Variants in MORC4 observed in about 807,000 individuals in gnomAD.
MORC4 encodes the protein MORC family CW-type zinc finger 4.
Under a neutral mutation model 65.5 loss-of-function variants are expected in MORC4, and 22 were observed. The ratio of observed to expected loss-of-function variants is 0.34; its 90% CI spans 0.24 to 0.48. The LOEUF is 0.48. MORC4 is among the 20% of genes least tolerant of loss of function. MORC4 has a pLI of 0.99. For missense variants in MORC4, 624 were observed against 703.0 expected, an observed-to-expected ratio of 0.89 and a Z score of 1.27; for synonymous variants, 267 against 255.8, an observed-to-expected ratio of 1.04 and a Z score of -0.42.
chrX:106,952,168 G>A (rs1221658835), intron 14 of MORC4, among the ~76,000 whole-genome samples: 1 of 110,836 alleles, frequency 9.0e-6, no homozygotes, highest in Non-Finnish European at 1.9e-5. Flanking sequence ...AAATACAGTC[G>A]TGCATTACTT....
At chrX:106,963,125 T>G (rs1453873082) in intron 9 of MORC4, among the ~76,000 whole-genome samples, 1 of 112,011 alleles carries the variant, frequency 8.9e-6, no homozygotes, top group African/African-American at 3.2e-5. Context: ...GTCTATATCC[T>G]TCCCTCAAGT....
In MORC4 at chrX:106,978,214, G is replaced by A. The variant is rs139566319; in HGVS notation, c.937-15C>T. On this transcript the variant is annotated splice_polypyrimidine_tract_variant and intron_variant, in intron 7 of 16. Coordinates refer to ENST00000355610, the MANE Select transcript of MORC4 (RefSeq NM_024657.5). ...ACCTGCTTATTCTGAGAAGAACATCGTTAAGGAGACAAACATACCAGGGGC... is the reference window on the plus strand; with the variant it reads ...ACCTGCTTATTCTGAGAAGAACATCATTAAGGAGACAAACATACCAGGGGC... The A allele has an allele frequency of 2.0e-3, 2,384 of 1,191,571 alleles. 33 individuals are homozygous for A. In the African/African-American group the frequency reaches 0.036, roughly 18 times the overall value.
At chrX:106,944,810 G>C (rs1933783964) in intron 14 of MORC4, among the ~76,000 whole-genome samples, 1 of 111,267 alleles carries the variant, frequency 9.0e-6, no homozygotes, top group African/African-American at 3.3e-5. Flanking sequence ...TATACGGTAG[G>C]TTTATACATT....
chrX:106,967,992 G>C (rs1357573513), intron 9 of MORC4, among the ~76,000 whole-genome samples: 1 of 111,254 alleles, frequency 9.0e-6, no homozygotes, highest in Non-Finnish European at 1.9e-5. Flanking sequence ...CTCGAGAAGA[G>C]CAACCCCAAG....
At chrX:106,993,713 T>C (rs769286682) in intron 2 of MORC4, among the ~76,000 whole-genome samples, 2 of 112,690 alleles carry the variant, frequency 1.8e-5, no homozygotes, top group Non-Finnish European at 3.8e-5. Context: ...TTAGCCCCTT[T>C]ACTGTTTGTA....
intron 9 of MORC4, among the ~76,000 whole-genome samples, chrX:106,974,313 T>C (rs1440686440): frequency 9.0e-6 from 1 of 111,694 alleles, no homozygotes; most frequent in Non-Finnish European, 1.9e-5. Flanking sequence ...CAACTGCTGC[T>C]CTGGGGTATG....
intron 9 of MORC4, among the ~76,000 whole-genome samples, chrX:106,975,278 G>A (rs187001992): frequency 2.5e-4 from 28 of 111,297 alleles, no homozygotes; most frequent in Admixed American, 4.8e-4. Context: ...AACTTGACTC[G>A]GAGACTTCTG....
intron 14 of MORC4, among the ~76,000 whole-genome samples, chrX:106,949,313 T>C (rs1446373573): frequency 8.9e-6 from 1 of 112,091 alleles, no homozygotes; most frequent in Non-Finnish European, 1.9e-5. Context: ...TCTCCTTTAG[T>C]TCTTTGAATG....
At chrX:106,957,289 C>A (rs1934133029) in intron 11 of MORC4, among the ~76,000 whole-genome samples, 1 of 111,282 alleles carries the variant, frequency 9.0e-6, no homozygotes. Context: ...TATAAAGGGG[C>A]AAAGTGGGCT....
At chrX:106,954,007 T>C (rs1395990184) in intron 14 of MORC4, among the ~76,000 whole-genome samples, 1 of 112,380 alleles carries the variant, frequency 8.9e-6, no homozygotes, top group Non-Finnish European at 1.9e-5. Flanking sequence ...CCTGTAATCC[T>C]AGCTACTCCA....
chrX:106,960,431 A>C (rs780135169), intron 10 of MORC4, among the ~76,000 whole-genome samples: 2 of 111,699 alleles, frequency 1.8e-5, no homozygotes, highest in Non-Finnish European at 3.8e-5. Flanking sequence ...AGCAGTTAAG[A>C]ACTTAGGTTT....
At chrX:106,968,910 A>G (rs1441751042) in intron 9 of MORC4, among the ~76,000 whole-genome samples, 1 of 111,096 alleles carries the variant, frequency 9.0e-6, no homozygotes, top group African/African-American at 3.3e-5. Context: ...TCCATTGTCA[A>G]CGTTAGACAG....
intron 9 of MORC4, among the ~76,000 whole-genome samples, chrX:106,970,670 C>T (rs915872880): frequency 4.5e-5 from 5 of 111,706 alleles, no homozygotes; most frequent in South Asian, 3.8e-4. Flanking sequence ...TTCCTATACA[C>T]CAATAATAGA....
intron 10 of MORC4, among the ~76,000 whole-genome samples, chrX:106,959,328 A>C (rs916009671): frequency 1.8e-5 from 2 of 111,329 alleles, no homozygotes; most frequent in African/African-American, 6.5e-5. Flanking sequence ...AGTGAGAATG[A>C]AGGCGGCTGG....
intron 16 of MORC4, 143 bp downstream of exon 16, chrX:106,941,795 G>T: frequency 2.5e-6 from 2 of 814,099 alleles, no homozygotes; most frequent in Non-Finnish European, 3.5e-6. Flanking sequence ...GAGACTGGCT[G>T]CAGCTTTCTA....
chrX:106,985,494 T>C (rs1269555518), intron 4 of MORC4, among the ~76,000 whole-genome samples: 1 of 112,248 alleles, frequency 8.9e-6, no homozygotes, highest in African/African-American at 3.2e-5. Context: ...AAAGGCTTAA[T>C]TTTTTAACTT....
intron 2 of MORC4, among the ~76,000 whole-genome samples, chrX:106,999,450 CTT>C (rs1195927376): frequency 2.7e-5 from 3 of 112,045 alleles, no homozygotes; most frequent in African/African-American, 9.7e-5. Context: ...ACACTGGTGT[CTT>C]TAACGCTTCA....
chrX:106,962,418 A>G (rs1934270866), intron 9 of MORC4, among the ~76,000 whole-genome samples: 1 of 112,157 alleles, frequency 8.9e-6, no homozygotes, highest in Admixed American at 9.4e-5. Context: ...TTGACATTAG[A>G]GACTATGACA....
At chrX:106,980,839 A>G (rs1479300286) in intron 7 of MORC4, 52 bp downstream of exon 7, 2 of 1,135,460 alleles carry the variant, frequency 1.8e-6, no homozygotes, top group African/African-American at 3.7e-5. Context: ...CTGAAAACTT[A>G]ATCCTGAAAT....
Sources: allele counts gnomAD v4.1 joint callset (sites outside exome capture counted in the v4.1 genomes callset), GRCh38; gene constraint gnomAD v4.1.1; transcripts MANE v1.5; gene names NCBI Gene and HGNC (gene_info 2026-07-23, HGNC 2026-07-21).